VTCN1: variants seen among roughly 807,000 people sequenced by gnomAD.
VTCN1 encodes the protein V-set domain-containing T-cell activation inhibitor 1.
Under a neutral mutation model 26.5 loss-of-function variants are expected in VTCN1, and 26 were observed. That is an observed-to-expected ratio of 0.98 (90% CI 0.72 to 1.36). VTCN1 has a LOEUF of 1.36. Ranked by LOEUF, VTCN1 falls within the 40% of genes most tolerant of loss-of-function variation. VTCN1 has a pLI of 0.00. For synonymous variants in VTCN1, 116 were observed against 130.7 expected, an observed-to-expected ratio of 0.89 and a Z score of 0.77; for missense variants, 298 against 337.7, an observed-to-expected ratio of 0.88 and a Z score of 0.92.
At chr1:117,203,823 C>G (rs537283199) in intron 1 of VTCN1, 1 of 976,942 alleles carries the variant, frequency 1.0e-6, no homozygotes, top group South Asian at 4.7e-5. Context: ...TCTTGTTACG[C>G]CACAGATTAC....
chr1:117,153,528 C>T (rs563765081), intron 3 of VTCN1, among the ~76,000 whole-genome samples, 159 bp from the exon 4 acceptor site: 1 of 150,994 alleles, frequency 6.6e-6, no homozygotes, highest in Non-Finnish European at 1.5e-5. Context: ...CTGTGTATAG[C>T]CCATTGTATT....
In VTCN1 at chr1:117,181,796, G is replaced by A. The variant is rs74111991; in HGVS notation, c.33-11625C>T. Among the ~76,000 whole-genome samples, 690 of 152,278 alleles carry A rather than the reference G, an allele frequency of 4.5e-3. 13 individuals are homozygous for A. The highest frequency in any genetic ancestry group is 0.015 in the African/African-American group (625 of 41,548). ...ACAGGGCAGGCTCCCTGTGAGGGAC[G>A]TGCATTTCAGCGAGGTCATCAGTCA... On this transcript the variant is annotated intron_variant, in intron 1 of 5. Coordinates refer to ENST00000369458, the MANE Select transcript of VTCN1 (RefSeq NM_024626.4).
At chr1:117,201,058 A>AG (rs1648762357) in intron 1 of VTCN1, among the ~76,000 whole-genome samples, 1 of 152,194 alleles carries the variant, frequency 6.6e-6, no homozygotes, top group African/African-American at 2.4e-5. Flanking sequence ...TTGGATTATA[A>AG]GTATAAACCA....
rs775074986 is a variant in VTCN1, at chr1:117,147,779, G to A, written c.728C>T (p.Ser243Leu). Residue 243 changes from serine (S) to leucine (L), a missense_variant, in exon 5 of 6, where the codon TCG (serine) becomes TTG (leucine). Transcript: ENST00000369458. This position sits in a 1 kb window ranked among gnomAD's most constrained non-coding sequence, Gnocchi z 4.6. ...KATGDIKVTESEIKRRSHLQL... is the reference protein window; with the variant it reads ...KATGDIKVTELEIKRRSHLQL... ...TAGGTGACTCCGCCTTTTGATCTCC[G>A]ATTCTGTGAAGTGAGAGAAAAAGTT... The A allele has an allele frequency of 1.1e-5, 18 of 1,613,058 alleles. No individual in the cohort carries two copies. Among genetic ancestry groups the A allele is most frequent in the Non-Finnish European group, 1.4e-5 (17 of 1,179,702 alleles).
intron 1 of VTCN1, among the ~76,000 whole-genome samples, chr1:117,191,081 G>C (rs1648221018): frequency 6.6e-6 from 1 of 152,008 alleles, no homozygotes; most frequent in South Asian, 2.1e-4. Context: ...AAACCATAAA[G>C]AAGAACTAAA....
intron 1 of VTCN1, among the ~76,000 whole-genome samples, chr1:117,210,026 T>C (rs546252219): frequency 6.6e-6 from 1 of 152,322 alleles, no homozygotes; most frequent in South Asian, 2.1e-4. Flanking sequence ...TCAGCCTCCC[T>C]AAACACTGTC....
chr1:117,210,750 A>T, intron 1 of VTCN1, 74 bp downstream of exon 1: 1 of 1,518,642 alleles, frequency 6.6e-7, no homozygotes, highest in Non-Finnish European at 9.1e-7. Flanking sequence ...ACAGCCCAGC[A>T]GTGCTCAGCA....
chr1:117,156,717 G>C lies in VTCN1; in HGVS notation c.302C>G (p.Thr101Arg), dbSNP rs777479342. 1.9e-6 allele frequency: 3 copies of C among 1,614,038 alleles called. No homozygotes were observed. Among genetic ancestry groups the C allele is most frequent in the African/African-American group, 2.7e-5 (2 of 74,906 alleles). The part of the protein sequence containing the change: ...SEQDEMFRGR[T>R]AVFADQVIVG... ...TATCACTTGATCAGCAAACACTGCT[G>C]TCCGGCCTCTGAACATTTCATCCTG... Residue 101 changes from threonine (T) to arginine (R), a missense_variant, in exon 3 of 6, where the codon ACA (threonine) becomes AGA (arginine). Coordinates refer to ENST00000369458, the MANE Select transcript of VTCN1 (RefSeq NM_024626.4).
intron 1 of VTCN1, among the ~76,000 whole-genome samples, chr1:117,177,168 A>G (rs1647400666): frequency 1.3e-5 from 2 of 152,224 alleles, no homozygotes; most frequent in African/African-American, 4.8e-5. Context: ...TTATGGGGAA[A>G]AAGTATTTCC....
chr1:117,181,504 C>T (rs888372198), intron 1 of VTCN1, among the ~76,000 whole-genome samples: 6 of 152,222 alleles, frequency 3.9e-5, no homozygotes, highest in African/African-American at 1.2e-4. Flanking sequence ...CTGCTTAGAA[C>T]ACCCTTCCAC....
At position 117,161,139 on chromosome 1, in the gene VTCN1, A is replaced by T. The variant is rs1315650533; in HGVS notation, c.98-4218T>A. 2.0e-5 allele frequency among the ~76,000 whole-genome samples: 3 copies of T among 152,206 alleles called. No homozygotes were observed. The highest frequency in any genetic ancestry group is 7.2e-5 in the African/African-American group (3 of 41,454). ...GTTTTTGCTGTGTAATAAGAACACAACACACCTCCATTCCCTGCATTGGTA... is the reference window on the plus strand; with the variant it reads ...GTTTTTGCTGTGTAATAAGAACACATCACACCTCCATTCCCTGCATTGGTA... On this transcript the variant is annotated intron_variant, in intron 2 of 5. Coordinates refer to ENST00000369458, the MANE Select transcript of VTCN1 (RefSeq NM_024626.4). The surrounding 1 kb of genome is among the most constrained non-coding windows in gnomAD (Gnocchi z 4.3).
chr1:117,194,382 C>T (rs868259808), intron 1 of VTCN1, among the ~76,000 whole-genome samples: 2 of 151,866 alleles, frequency 1.3e-5, no homozygotes, highest in Non-Finnish European at 1.5e-5. Flanking sequence ...AATGTTGGTG[C>T]GGATGCAGAG....
At chr1:117,181,820 C>T (rs1045283264) in intron 1 of VTCN1, among the ~76,000 whole-genome samples, 16 of 152,138 alleles carry the variant, frequency 1.1e-4, no homozygotes, top group Non-Finnish European at 2.2e-4. Context: ...GGTCATCAGT[C>T]AGTGTGGTCA....
chr1:117,147,842 T>C lies in VTCN1; in HGVS notation c.725-60A>G, dbSNP rs1651596380. The C allele has an allele frequency of 6.4e-7, 1 of 1,566,834 alleles. No homozygotes were observed. Among genetic ancestry groups the C allele is most frequent in the African/African-American group, 1.4e-5 (1 of 72,368 alleles). On this transcript the variant is annotated intron_variant, in intron 4 of 5. Transcript: ENST00000369458. The surrounding 1 kb of genome is among the most constrained non-coding windows in gnomAD (Gnocchi z 4.6). ...GGAGAAGCTGGATGTCTTCTTCACA[T>C]GACTGGTTAGCAAAGAAAAGTACCT...
chr1:117,181,777 C>T (rs116650383), intron 1 of VTCN1, among the ~76,000 whole-genome samples: 1,637 of 152,248 alleles, frequency 0.011, 32 homozygotes, highest in African/African-American at 0.037. Context: ...AAGAACAGGG[C>T]AGGCTCCCTG....
intron 1 of VTCN1, among the ~76,000 whole-genome samples, chr1:117,192,445 T>C (rs1235632844): frequency 3.3e-5 from 5 of 152,144 alleles, no homozygotes; most frequent in African/African-American, 1.2e-4. Flanking sequence ...TATGAAAGCA[T>C]ATAAAAGTAT....
At chr1:117,179,909 G>A (rs776084161) in intron 1 of VTCN1, among the ~76,000 whole-genome samples, 2 of 152,122 alleles carry the variant, frequency 1.3e-5, no homozygotes, top group Non-Finnish European at 2.9e-5. Context: ...TTCCCCTGAG[G>A]ACTCAGTCCT....
chr1:117,208,901 C>T (rs1345344828), intron 1 of VTCN1, among the ~76,000 whole-genome samples: 1 of 152,172 alleles, frequency 6.6e-6, no homozygotes, highest in African/African-American at 2.4e-5. Context: ...TCCAACATCA[C>T]CACTGTCATG....
chr1:117,197,995 A>G (rs1648600571), intron 1 of VTCN1, among the ~76,000 whole-genome samples: 1 of 152,088 alleles, frequency 6.6e-6, no homozygotes, highest in African/African-American at 2.4e-5. Flanking sequence ...AAGTCCAAGA[A>G]TTTCTCCTGT....
Sources: gnomAD v4.1 joint callset for allele counts (sites outside exome capture counted in the v4.1 genomes callset) on GRCh38, gnomAD v4.1.1 for gene constraint, Gnocchi (gnomAD v3.1) non-coding constraint, MANE v1.5 for transcripts, NCBI Gene and HGNC (gene_info 2026-07-23, HGNC 2026-07-21) for gene names.